The following NRL variants were observed in gnomAD, a reference collection of about 807,000 sequenced individuals.
The protein encoded by NRL is neural retina leucine zipper.
NRL carries 16 observed loss-of-function variants against 12.5 expected under a neutral mutation model. That is an observed-to-expected ratio of 1.28 (90% CI 0.87 to 1.95). The LOEUF is 1.95. NRL is among the 30% of genes most tolerant of loss of function. The pLI is 0.00. For missense variants in NRL, 314 were observed against 325.8 expected, an observed-to-expected ratio of 0.96 and a Z score of 0.28; for synonymous variants, 142 against 150.9, an observed-to-expected ratio of 0.94 and a Z score of 0.43.
In NRL at chr14:24,094,595, G is replaced by A. The variant is rs2036772096; in HGVS notation, c.-27-11720C>T. 7.6e-6 allele frequency: 11 copies of A among 1,451,898 alleles called. No homozygotes were observed. The South Asian group carries it at 1.3e-4, about 17-fold the overall frequency. The allele number at this position is 1,451,898 out of a possible 1,614,324, so 89.9% of individuals were successfully genotyped here. A position where few individuals can be genotyped will look rare whatever the true frequency, so the allele number is the denominator to read the frequency against. On this transcript the variant is annotated intron_variant, in intron 1 of 2. Transcript: ENST00000561028. The surrounding 1 kb of genome is among the most constrained non-coding windows in gnomAD (Gnocchi z 4.1). ...GTGGGTCCAGCCTCCCGCGCCGCGCGTCTCTTGGGAGGGCAGCCGGCCGGT... is the reference window on the plus strand; with the variant it reads ...GTGGGTCCAGCCTCCCGCGCCGCGCATCTCTTGGGAGGGCAGCCGGCCGGT...
In NRL at chr14:24,114,702, T is replaced by G; in HGVS notation, c.-28+20A>C. 6 of 985,962 alleles carry G rather than the reference T, an allele frequency of 6.1e-6. No homozygotes were observed. The highest frequency in any genetic ancestry group is 7.2e-6 in the Non-Finnish European group (6 of 829,998). The allele number at this position is 985,962 out of a possible 1,614,324, so 61.1% of individuals were successfully genotyped here. A position where few individuals can be genotyped will look rare whatever the true frequency, so the allele number is the denominator to read the frequency against. ...GCACTTTCTCCTCCCCTCAGGCACCTCGCGCATTCTCCCGCCTACCTATCA... is the reference window on the plus strand; with the variant it reads ...GCACTTTCTCCTCCCCTCAGGCACCGCGCGCATTCTCCCGCCTACCTATCA... On this transcript the variant is annotated intron_variant, in intron 1 of 2. Coordinates refer to ENST00000561028, the MANE Select transcript of NRL (RefSeq NM_001354768.3).
intron 1 of NRL, among the ~76,000 whole-genome samples, chr14:24,109,422 G>A (rs529692750): frequency 2.8e-4 from 43 of 152,262 alleles, no homozygotes; most frequent in Admixed American, 1.3e-4. Context: ...GCTGCCAGGC[G>A]TGGTGGCTCA....
intron 1 of NRL, chr14:24,099,853 G>A: frequency 6.4e-7 from 1 of 1,552,740 alleles, no homozygotes; most frequent in South Asian, 1.1e-5. Context: ...TCCTCTGGCA[G>A]CCCAGCCACC....
chr14:24,098,619 T>C (rs2037010440), intron 1 of NRL: 1 of 1,613,924 alleles, frequency 6.2e-7, no homozygotes, highest in African/African-American at 1.3e-5. Flanking sequence ...CTTCAGGCCC[T>C]GGGAGATGGT....
At chr14:24,087,729 T>C (rs1312779457) in intron 1 of NRL, among the ~76,000 whole-genome samples, 1 of 152,222 alleles carries the variant, frequency 6.6e-6, no homozygotes, top group African/African-American at 2.4e-5. Context: ...CTTACACTAA[T>C]ACCAGCCCTG....
intron 1 of NRL, chr14:24,103,089 G>A: frequency 6.8e-6 from 9 of 1,315,414 alleles, no homozygotes; most frequent in African/African-American, 1.4e-5. Context: ...TACCAGTCAA[G>A]CTCACCAGAA....
At chr14:24,108,685 A>C (rs2037375442) in intron 1 of NRL, among the ~76,000 whole-genome samples, 1 of 152,124 alleles carries the variant, frequency 6.6e-6, no homozygotes, top group Non-Finnish European at 1.5e-5. Flanking sequence ...ACACACAGAA[A>C]AATCTGATTC....
intron 1 of NRL, among the ~76,000 whole-genome samples, chr14:24,108,712 TGA>T (rs1165227049): frequency 6.6e-6 from 1 of 152,204 alleles, no homozygotes; most frequent in Admixed American, 6.5e-5. Flanking sequence ...ACACAAGACA[TGA>T]GAGTATTAGA....
chr14:24,093,797 G>C, intron 1 of NRL, among the ~76,000 whole-genome samples: 1 of 152,168 alleles, frequency 6.6e-6, no homozygotes, highest in East Asian at 1.9e-4. Flanking sequence ...GCCTTGATCA[G>C]GAGGAGAAAC....
At chr14:24,097,200 G>T in intron 1 of NRL, 2 of 1,522,384 alleles carry the variant, frequency 1.3e-6, no homozygotes, top group Non-Finnish European at 1.8e-6. Context: ...GTTCACCAAG[G>T]CAAAATCAAC....
intron 1 of NRL, among the ~76,000 whole-genome samples, chr14:24,090,717 C>G (rs78139857): frequency 8.9e-4 from 136 of 152,326 alleles, no homozygotes; most frequent in Middle Eastern, 3.4e-3. Context: ...TGGTGGTACT[C>G]CTTGGACATA....
intron 2 of NRL, 51 bp downstream of exon 2, chr14:24,082,417 G>C (rs2036339924): frequency 6.2e-7 from 1 of 1,609,158 alleles, no homozygotes; most frequent in South Asian, 1.1e-5. Flanking sequence ...CTCTTGGGCA[G>C]TCCTCCTTCC....
intron 1 of NRL, chr14:24,100,169 C>G: frequency 6.2e-7 from 1 of 1,614,110 alleles, no homozygotes; most frequent in East Asian, 2.2e-5. Flanking sequence ...CCTCTTCCAC[C>G]TGGTGTTACT....
intron 1 of NRL, chr14:24,095,437 G>A: frequency 2.9e-6 from 1 of 348,426 alleles, no homozygotes; most frequent in African/African-American, 2.1e-5. Context: ...TCCTGCTTTA[G>A]CGGAAACCAC....
At chr14:24,084,758 G>T in intron 1 of NRL, 1 of 955,532 alleles carries the variant, frequency 1.0e-6, no homozygotes, top group Non-Finnish European at 1.2e-6. Flanking sequence ...GGGGTTGGGG[G>T]AAATGGAGAG....
rs978756687 is a variant in NRL at position 24,091,947 on chromosome 14, G to C, written c.-27-9072C>G. Among the ~76,000 whole-genome samples the C allele has an allele frequency of 2.0e-5, 3 of 152,090 alleles. 1 individual carries two copies. Among genetic ancestry groups the C allele is most frequent in the South Asian group, 4.1e-4 (2 of 4,828 alleles). ...AGTGCGGCATTTGACCTTTGATTTA[G>C]GGTGTTATATGTTGGCATACTTCTG... On this transcript the variant is annotated intron_variant, in intron 1 of 2. Transcript: ENST00000561028.
At chr14:24,091,983 TC>T (rs1446507991) in intron 1 of NRL, among the ~76,000 whole-genome samples, 5 of 152,194 alleles carry the variant, frequency 3.3e-5, no homozygotes, top group African/African-American at 9.7e-5. Context: ...GGGTCCTGCC[TC>T]CCTTTTTCCT....
At chr14:24,103,731 G>A in intron 1 of NRL, 6 of 1,614,192 alleles carry the variant, frequency 3.7e-6, no homozygotes, top group Non-Finnish European at 5.1e-6. Context: ...GCGGTTAGAG[G>A]GGGAGGACAG....
chr14:24,103,155 T>C, intron 1 of NRL: 1 of 1,610,458 alleles, frequency 6.2e-7, no homozygotes, highest in Non-Finnish European at 8.5e-7. Context: ...TCATTGGTGA[T>C]CTAGGGGTAC....
Sources: allele counts gnomAD v4.1 joint callset (sites outside exome capture counted in the v4.1 genomes callset), GRCh38; gene constraint gnomAD v4.1.1; non-coding constraint Gnocchi (gnomAD v3.1); transcripts MANE v1.5; gene names NCBI Gene and HGNC (gene_info 2026-07-23, HGNC 2026-07-21).